RRM1: variants seen among roughly 807,000 people sequenced by gnomAD.
RRM1 encodes ribonucleoside-diphosphate reductase large subunit.
RRM1 carries 19 observed loss-of-function variants against 101.5 expected under a neutral mutation model. The ratio of observed to expected loss-of-function variants is 0.19; its 90% CI spans 0.13 to 0.27. RRM1 has a LOEUF of 0.27. RRM1 is among the 10% of genes least tolerant of loss of function. The pLI is 1.00. For synonymous variants in RRM1, 298 were observed against 323.4 expected (o/e 0.92, Z 0.84); for missense variants, 500 against 962.9 (o/e 0.52, Z 6.36).
intron 13 of RRM1, 87 bp downstream of exon 13, chr11:4,126,920 G>T: frequency 7.0e-7 from 1 of 1,426,094 alleles, no homozygotes; most frequent in East Asian, 2.3e-5. Context: ...TCATTTAAAT[G>T]GTTATCAATA....
At chr11:4,128,480 A>C (rs2094593661) in intron 14 of RRM1, among the ~76,000 whole-genome samples, 1 of 152,014 alleles carries the variant, frequency 6.6e-6, no homozygotes, top group African/African-American at 2.4e-5. Flanking sequence ...GAAACCTTTC[A>C]CCTTTGCCAT....
rs1452605722 is a variant in RRM1, at chr11:4,138,321, A to G, written c.2317A>G (p.Asn773Asp). The change falls in exon 19 of 19, where the codon AAC becomes GAC. Residue 773 changes from asparagine to aspartate, a missense_variant. Physicochemically the swap from Asn to Asp is conservative, Grantham distance 23. Coordinates refer to ENST00000300738, the MANE Select transcript of RRM1 (RefSeq NM_001033.5). ...VSKEEEEKER[N>D]TAAMVCSLEN... ...AAAAGAGGAAGAAGAGAAGGAGAGG[A>G]ACACAGCAGCCATGGTGTGCTCTTT... 1 of 1,612,972 alleles carries G rather than the reference A, an allele frequency of 6.2e-7. No individual in the cohort carries two copies. The highest frequency in any genetic ancestry group is 1.3e-5 in the African/African-American group (1 of 74,890).
chr11:4,129,274 G>A lies in RRM1; in HGVS notation c.1769+124G>A, dbSNP rs184724841. ...CATTTATTACAAATGGGGCTAAAAT[G>A]GCCTATCTCACAAAACTATTTTGGG... On this transcript the variant is annotated intron_variant, in intron 15 of 18. Transcript: ENST00000300738. 7.2e-5 allele frequency: 39 copies of A among 545,334 alleles called. No individual in the cohort carries two copies. The East Asian group carries it at 1.1e-3, about 15-fold the overall frequency. 33.8% of individuals were successfully genotyped at this position (545,334 alleles called of 1,614,324 possible). A position where few individuals can be genotyped will look rare whatever the true frequency, so the allele number is the denominator to read the frequency against.
intron 18 of RRM1, 155 bp from the exon 19 acceptor site, chr11:4,138,040 A>AC (rs1590738445): frequency 8.1e-5 from 1 of 12,314 alleles, no homozygotes; most frequent in Non-Finnish European, 2.1e-4. Context: ...GGCGCCCCTC[A>AC]CCTCCCGGAC....
intron 7 of RRM1, among the ~76,000 whole-genome samples, chr11:4,116,699 A>T (rs530801525): frequency 7.2e-5 from 11 of 152,194 alleles, no homozygotes; most frequent in Non-Finnish European, 1.6e-4. Context: ...GGCCAGGTGC[A>T]GTGGCTTCTG....
chr11:4,130,583 C>G (rs2094598414), intron 15 of RRM1, among the ~76,000 whole-genome samples: 1 of 152,010 alleles, frequency 6.6e-6, no homozygotes, highest in Non-Finnish European at 1.5e-5. Flanking sequence ...GTAATCCCAG[C>G]TACTTGGGAG....
At chr11:4,121,556 T>C in intron 9 of RRM1, 48 bp from the exon 10 acceptor site, 1 of 1,488,444 alleles carries the variant, frequency 6.7e-7, no homozygotes, top group Non-Finnish European at 9.1e-7. Context: ...ATGATGTTTC[T>C]TTGTTTCATT....
intron 17 of RRM1, 58 bp downstream of exon 17, chr11:4,133,716 C>G: frequency 1.0e-6 from 1 of 956,964 alleles, no homozygotes; most frequent in South Asian, 1.4e-5. Context: ...TGTGGTACCT[C>G]CTCACTCATG....
chr11:4,121,258 T>C lies in RRM1; in HGVS notation c.877-346T>C, dbSNP rs117167004. Among the ~76,000 whole-genome samples, 671 of 152,324 alleles carry C rather than the reference T, an allele frequency of 4.4e-3. 4 individuals are homozygous for C. Among genetic ancestry groups the C allele is most frequent in the African/African-American group, 9.5e-3 (394 of 41,568 alleles). On this transcript the variant is annotated intron_variant, in intron 9 of 18. Coordinates refer to ENST00000300738, the MANE Select transcript of RRM1 (RefSeq NM_001033.5). ...CCTACAATAAGAGCATGGCTTATAC[T>C]GTCAAAGCAACTTCCTTTGGGCTTT...
chr11:4,109,795 TA>T, intron 5 of RRM1, 92 bp downstream of exon 5: 1 of 1,083,822 alleles, frequency 9.2e-7, no homozygotes, highest in South Asian at 1.5e-5. Flanking sequence ...ATCAAGGCCA[TA>T]AGTTGTTTGG....
intron 7 of RRM1, among the ~76,000 whole-genome samples, chr11:4,115,226 C>T (rs756188263): frequency 2.0e-5 from 3 of 152,118 alleles, no homozygotes; most frequent in Non-Finnish European, 4.4e-5. Flanking sequence ...TTCCTGGAAC[C>T]TGTAAATGTT....
At chr11:4,134,127 T>C (rs926804520) in intron 17 of RRM1, among the ~76,000 whole-genome samples, 5 of 151,538 alleles carry the variant, frequency 3.3e-5, no homozygotes, top group African/African-American at 1.2e-4. Flanking sequence ...GGATTACAGG[T>C]GCCTGCCACC....
At chr11:4,130,406 G>A (rs2094598052) in intron 15 of RRM1, among the ~76,000 whole-genome samples, 1 of 152,042 alleles carries the variant, frequency 6.6e-6, no homozygotes, top group Non-Finnish European at 1.5e-5. Context: ...CAAACTTGAT[G>A]TATTCTGGGC....
At chr11:4,125,077 G>T (rs978715775) in intron 12 of RRM1, among the ~76,000 whole-genome samples, 1 of 151,798 alleles carries the variant, frequency 6.6e-6, no homozygotes, top group Non-Finnish European at 1.5e-5. Flanking sequence ...ACCACACCCA[G>T]CTAATTTTTG....
intron 4 of RRM1, among the ~76,000 whole-genome samples, chr11:4,109,114 T>C (rs1040578574): frequency 6.6e-6 from 1 of 152,100 alleles, no homozygotes; most frequent in Non-Finnish European, 1.5e-5. Context: ...TAAAGGACTA[T>C]AGATTTTGAA....
chr11:4,120,786 G>A lies in RRM1; in HGVS notation c.877-818G>A, dbSNP rs189070470. On this transcript the variant is annotated intron_variant, in intron 9 of 18. Transcript: ENST00000300738. ...TTTGGGAGGCTGAGGTGGGCTGATC[G>A]TGTAAGCTCACAAGTTCAAGACCAC... Among the ~76,000 whole-genome samples, 7 of 152,288 alleles carry A rather than the reference G, an allele frequency of 4.6e-5. No individual in the cohort carries two copies. The East Asian group carries it at 5.8e-4, about 13-fold the overall frequency.
intron 15 of RRM1, among the ~76,000 whole-genome samples, chr11:4,130,645 G>A (rs748700833): frequency 6.6e-6 from 1 of 152,068 alleles, no homozygotes; most frequent in Non-Finnish European, 1.5e-5. Context: ...ACAGGGAGCC[G>A]AGATCATGCC....
Position 4,125,645 on chromosome 11 carries a change from C to G in RRM1, c.1321-1039C>G, listed in dbSNP as rs540366177. 2.0e-5 allele frequency among the ~76,000 whole-genome samples: 3 copies of G among 152,336 alleles called. No homozygotes were observed. The South Asian group carries it at 6.2e-4, about 32-fold the overall frequency. On this transcript the variant is annotated intron_variant, in intron 12 of 18. Coordinates refer to ENST00000300738, the MANE Select transcript of RRM1 (RefSeq NM_001033.5). ...CCTCTTGAATGTTAAAATGCACCCC[C>G]TCTTCCCATAGCCACATGATTTGCT...
chr11:4,134,510 G>A (rs990103532), intron 17 of RRM1, among the ~76,000 whole-genome samples: 1 of 152,174 alleles, frequency 6.6e-6, no homozygotes, highest in African/African-American at 2.4e-5. Context: ...TAGCAACACA[G>A]ATGAAGAGTC....
Sources: gnomAD v4.1 joint callset for allele counts (sites outside exome capture counted in the v4.1 genomes callset) on GRCh38, gnomAD v4.1.1 for gene constraint, MANE v1.5 for transcripts, NCBI Gene and HGNC (gene_info 2026-07-23, HGNC 2026-07-21) for gene names.